GABRA5: variants seen among roughly 807,000 people sequenced by gnomAD.
GABRA5 encodes the protein gamma-aminobutyric acid receptor subunit alpha-5.
A neutral mutation model predicts 47.3 loss-of-function variants in GABRA5; 18 were observed. That is an observed-to-expected ratio of 0.38 (90% confidence interval 0.26 to 0.56). The LOEUF is 0.56. Among genes scored for constraint, GABRA5 ranks in the 20% least tolerant of loss-of-function variants. GABRA5 has a pLI of 0.71. For missense variants in GABRA5, 365 were observed against 599.3 expected, an observed-to-expected ratio of 0.61 and a Z score of 4.08; for synonymous variants, 237 against 229.3, an observed-to-expected ratio of 1.03 and a Z score of -0.30.
At chr15:26,889,061 G>A (rs116202978) in intron 6 of GABRA5, among the ~76,000 whole-genome samples, 9 of 152,216 alleles carry the variant, frequency 5.9e-5, no homozygotes, top group Non-Finnish European at 8.8e-5. Context: ...TAGTAGATAC[G>A]CTGCACCAAG....
At chr15:26,867,058 C>G (rs968998543), upstream of GABRA5, 6 of 152,186 alleles carry the variant, frequency 3.9e-5, no homozygotes, top group Admixed American at 1.3e-4. This position sits in a 1 kb window ranked among gnomAD's most constrained non-coding sequence, Gnocchi z 5.9. Flanking sequence ...ACCGGAGCAC[C>G]TCTGCAGAGG....
intron 6 of GABRA5, among the ~76,000 whole-genome samples, chr15:26,914,467 G>A (rs147710995): frequency 1.7e-4 from 26 of 152,068 alleles, no homozygotes; most frequent in African/African-American, 5.3e-4. Context: ...TTTCAGTCCC[G>A]TCAAGGAAAG....
intron 6 of GABRA5, among the ~76,000 whole-genome samples, chr15:26,901,015 G>A (rs968273819): frequency 2.6e-5 from 4 of 151,962 alleles, no homozygotes; most frequent in East Asian, 1.9e-4. Flanking sequence ...AGTTTCCTTG[G>A]CACAACACTG....
Position 26,895,956 on chromosome 15 carries a change from C to CCT in GABRA5, c.497+12401_497+12402dup, listed in dbSNP as rs948555792. ...AGAGTCTCCCCGAGAGCTGGACCAG[C>CCT]CTCCCCCTGCCTCCATGCACAGTGG... On this transcript the variant is annotated intron_variant, in intron 6 of 10. Transcript: ENST00000335625. Among the ~76,000 whole-genome samples, 123 of 152,186 alleles carry CCT rather than the reference C, an allele frequency of 8.1e-4. 1 individual carries two copies. The highest frequency in any genetic ancestry group is 2.7e-3 in the African/African-American group (114 of 41,522).
intron 7 of GABRA5, among the ~76,000 whole-genome samples, chr15:26,935,507 C>T (rs1342662299): frequency 6.6e-6 from 1 of 152,202 alleles, no homozygotes; most frequent in African/African-American, 2.4e-5. Flanking sequence ...GCCGGCCTCC[C>T]CACAGCTCTC....
intron 6 of GABRA5, among the ~76,000 whole-genome samples, chr15:26,892,957 G>T (rs1438370170): frequency 6.6e-6 from 1 of 151,610 alleles, no homozygotes; most frequent in East Asian, 1.9e-4. Context: ...GTGTGTGTAT[G>T]GTGTGTGGTG....
At chr15:26,870,051 T>C (rs1296377352) in intron 3 of GABRA5, among the ~76,000 whole-genome samples, 1 of 152,246 alleles carries the variant, frequency 6.6e-6, no homozygotes, top group East Asian at 1.9e-4. Context: ...CTAGAATTGT[T>C]CTGGTTAATC....
At chr15:26,911,054 A>G (rs1302441738) in intron 6 of GABRA5, among the ~76,000 whole-genome samples, 1 of 152,184 alleles carries the variant, frequency 6.6e-6, no homozygotes, top group Non-Finnish European at 1.5e-5. Flanking sequence ...TCGAAAATTT[A>G]AATTTATTTC....
intron 10 of GABRA5, among the ~76,000 whole-genome samples, chr15:26,946,434 T>G (rs76989369): frequency 3.7e-4 from 2 of 5,434 alleles, no homozygotes; most frequent in Non-Finnish European, 7.6e-4. Context: ...AATTTATCTG[T>G]TTTTTTTTTT....
intron 6 of GABRA5, among the ~76,000 whole-genome samples, chr15:26,895,930 C>CAG (rs1205068349): frequency 6.6e-6 from 1 of 152,204 alleles, no homozygotes; most frequent in East Asian, 1.9e-4. Context: ...ATGCTGGGTA[C>CAG]AGAGTCTCCC....
At chr15:26,889,208 T>C (rs1892947465) in intron 6 of GABRA5, among the ~76,000 whole-genome samples, 1 of 152,244 alleles carries the variant, frequency 6.6e-6, no homozygotes, top group Non-Finnish European at 1.5e-5. Context: ...CATTTGGATT[T>C]TCCCCATGAG....
rs1212220416 is a variant in GABRA5, at chr15:26,940,084, G to A, written c.877+7G>A. 3.1e-6 allele frequency: 5 copies of A among 1,609,006 alleles called. No homozygotes were observed. Among genetic ancestry groups the A allele is most frequent in the Non-Finnish European group, 4.2e-6 (5 of 1,177,084 alleles). On this transcript the variant is annotated splice_region_variant and intron_variant, in intron 9 of 10. Coordinates refer to ENST00000335625, the MANE Select transcript of GABRA5 (RefSeq NM_000810.4). ...CCAGCCAGGACAGTTTTTGGTGAGT[G>A]TCCCCAAGCCAGGCCTGGACACTGG...
chr15:26,927,131 T>C (rs1893979471), intron 7 of GABRA5, among the ~76,000 whole-genome samples: 1 of 151,600 alleles, frequency 6.6e-6, no homozygotes, highest in Admixed American at 6.6e-5. Context: ...TGAGACAGAG[T>C]CTCACACTCT....
intron 9 of GABRA5, among the ~76,000 whole-genome samples, chr15:26,941,744 C>G (rs207475328): frequency 6.6e-6 from 1 of 152,154 alleles, no homozygotes; most frequent in Admixed American, 6.5e-5. Context: ...TGGCCTGTCT[C>G]CTGGCCTCTG....
At chr15:26,941,329 A>T (rs1325398941) in intron 9 of GABRA5, among the ~76,000 whole-genome samples, 1 of 151,930 alleles carries the variant, frequency 6.6e-6, no homozygotes, top group Admixed American at 6.6e-5. Context: ...GTGGAGGGAG[A>T]TTCCCAATGC....
intron 10 of GABRA5, among the ~76,000 whole-genome samples, chr15:26,943,728 G>A (rs546083608): frequency 1.3e-5 from 2 of 152,092 alleles, no homozygotes; most frequent in African/African-American, 2.4e-5. Context: ...CTGTTCTTAC[G>A]CTCATTTTAT....
At chr15:26,916,719 ATTTG>A (rs1027348414) in intron 7 of GABRA5, among the ~76,000 whole-genome samples, 9 of 152,096 alleles carry the variant, frequency 5.9e-5, no homozygotes, top group African/African-American at 1.7e-4. Flanking sequence ...GCATCTTTCC[ATTTG>A]TTTGTGTTTT....
chr15:26,893,203 TTG>T (rs1893061114), intron 6 of GABRA5, among the ~76,000 whole-genome samples: 1 of 138,758 alleles, frequency 7.2e-6, no homozygotes, highest in African/African-American at 2.8e-5. Context: ...GTATAGTGTG[TTG>T]GGTGTGTATG....
rs1182165457 is a variant in GABRA5 at position 26,870,888 on chromosome 15, T to C, written c.86+1554T>C. 3.3e-5 allele frequency among the ~76,000 whole-genome samples: 5 copies of C among 152,214 alleles called. No individual in the cohort carries two copies. In the East Asian group the frequency reaches 7.7e-4, roughly 23 times the overall value. Reference sequence around the variant, plus strand: ...ATATATCAGGATTGGAAACTTATATTTTCTTTAAAATATCTTGGCTAGGCC... The same window carrying C: ...ATATATCAGGATTGGAAACTTATATCTTCTTTAAAATATCTTGGCTAGGCC... On this transcript the variant is annotated intron_variant, in intron 3 of 10. Coordinates refer to ENST00000335625, the MANE Select transcript of GABRA5 (RefSeq NM_000810.4).
Sources: gnomAD v4.1 joint callset for allele counts (sites outside exome capture counted in the v4.1 genomes callset) on GRCh38, gnomAD v4.1.1 for gene constraint, Gnocchi (gnomAD v3.1) non-coding constraint, MANE v1.5 for transcripts, NCBI Gene and HGNC (gene_info 2026-07-23, HGNC 2026-07-21) for gene names.